The following NUP205 variants were observed in gnomAD, a reference collection of about 807,000 sequenced individuals.
NUP205 encodes the protein nucleoporin 205, also known as nuclear pore complex protein Nup205.
Under a neutral mutation model 253.8 loss-of-function variants are expected in NUP205, and 76 were observed. The ratio of observed to expected loss-of-function variants is 0.30; its 90% confidence interval spans 0.25 to 0.36. The LOEUF (loss-of-function observed/expected upper bound fraction) is 0.36, where lower values mean the gene tolerates loss of function less well. Ranked by LOEUF, NUP205 falls within the 10% of genes least tolerant of loss-of-function variation. The pLI is 1.00. For missense variants in NUP205, 2,162 were observed against 2,425.5 expected (o/e 0.89, Z 2.28); for synonymous variants, 832 against 850.1 (o/e 0.98, Z 0.37).
intron 23 of NUP205, among the ~76,000 whole-genome samples, chr7:135,615,385 C>A (rs999808371): frequency 2.6e-5 from 4 of 152,046 alleles, no homozygotes; most frequent in African/African-American, 4.8e-5. Context: ...TAGAGTGAGA[C>A]CCTGTCTCTA....
rs1358147056 is a variant in NUP205 at position 135,645,038 on chromosome 7, G to A, written c.5683+20G>A. 3 of 1,612,368 alleles carry A rather than the reference G, an allele frequency of 1.9e-6. No individual in the cohort carries two copies. The highest frequency in any genetic ancestry group is 2.7e-5 in the African/African-American group (2 of 74,852). ...GTTCTTGTATCCTTTATGAAATCAT[G>A]CACTTGAATGATGACCTTGAAATAT... On this transcript the variant is annotated intron_variant, in intron 40 of 42. Coordinates refer to ENST00000285968, the MANE Select transcript of NUP205 (RefSeq NM_015135.3).
At chr7:135,604,155 T>C (rs750787476) in intron 18 of NUP205, among the ~76,000 whole-genome samples, 185 bp from the exon 19 acceptor site, 1 of 152,202 alleles carries the variant, frequency 6.6e-6, no homozygotes, top group Non-Finnish European at 1.5e-5. Flanking sequence ...CATAAGGATT[T>C]TGGGGGCAGG....
intron 11 of NUP205, 70 bp from the exon 12 acceptor site, chr7:135,592,917 T>C (rs1806666815): frequency 8.7e-7 from 1 of 1,145,698 alleles, no homozygotes; most frequent in South Asian, 1.3e-5. Flanking sequence ...TTTAAATTAA[T>C]TTTCTCTCCA....
intron 10 of NUP205, among the ~76,000 whole-genome samples, chr7:135,588,328 A>G (rs1806530031): frequency 6.6e-6 from 1 of 150,486 alleles, no homozygotes; most frequent in Non-Finnish European, 1.5e-5. Context: ...TTTTGTAGAG[A>G]TGGGGTTTTG....
At chr7:135,634,221 C>A (rs944401504) in intron 35 of NUP205, among the ~76,000 whole-genome samples, 3 of 152,116 alleles carry the variant, frequency 2.0e-5, no homozygotes, top group Non-Finnish European at 4.4e-5. Context: ...GCCACCATGC[C>A]CAGCTGGCTC....
rs1305726112 is a variant in NUP205 at position 135,607,251 on chromosome 7, G to A, written c.3075G>A (p.Val1025=). Residue 1025 remains valine, a synonymous_variant, in exon 22 of 43, where the codon GTG becomes GTA. Transcript: ENST00000285968. ...VSTTNLQDPG[V]LGCPRTCLHA... is the part of the protein sequence containing the mutation. ...TTTCTTTTTGGTTTCATGCAGGAGTGTTAGGTTGCCCTCGGACATGCCTTC... is the reference window on the plus strand; with the variant it reads ...TTTCTTTTTGGTTTCATGCAGGAGTATTAGGTTGCCCTCGGACATGCCTTC... The A allele has an allele frequency of 2.5e-6, 4 of 1,613,612 alleles. No individual in the cohort carries two copies. Among genetic ancestry groups the A allele is most frequent in the Non-Finnish European group, 2.5e-6 (3 of 1,179,850 alleles).
chr7:135,573,630 A>G (rs1389494627), intron 2 of NUP205, 24 bp from the exon 3 acceptor site: 9 of 1,597,624 alleles, frequency 5.6e-6, no homozygotes, highest in Non-Finnish European at 6.8e-6. Context: ...TATTTTCATA[A>G]CAATTACAAT....
At chr7:135,634,585 G>C (rs149612452) in intron 35 of NUP205, among the ~76,000 whole-genome samples, 1 of 152,244 alleles carries the variant, frequency 6.6e-6, no homozygotes, top group African/African-American at 2.4e-5. Context: ...GCTTGGTTTT[G>C]TTTTGGAGTA....
At chr7:135,631,728 ATTTT>A (rs35634535) in intron 35 of NUP205, among the ~76,000 whole-genome samples, 1 of 145,634 alleles carries the variant, frequency 6.9e-6, no homozygotes, top group Non-Finnish European at 1.5e-5. Context: ...ATCTCTTGGT[ATTTT>A]TTTTTTTCTT....
intron 15 of NUP205, among the ~76,000 whole-genome samples, chr7:135,599,873 GATAA>G (rs1409492283): frequency 6.6e-6 from 1 of 152,140 alleles, no homozygotes; most frequent in Non-Finnish European, 1.5e-5. Context: ...TTTGGATTGA[GATAA>G]ATAACAGCGT....
chr7:135,584,195 T>G (rs1806394754), intron 7 of NUP205, among the ~76,000 whole-genome samples: 1 of 152,112 alleles, frequency 6.6e-6, no homozygotes, highest in South Asian at 2.1e-4. Flanking sequence ...ATGAGATATG[T>G]ATGAGTGGAG....
intron 36 of NUP205, 33 bp from the exon 37 acceptor site, chr7:135,637,898 A>G (rs1359212394): frequency 1.3e-6 from 2 of 1,578,288 alleles, no homozygotes; most frequent in Non-Finnish European, 1.7e-6. Flanking sequence ...ACTAATTTTA[A>G]ATACATTTAA....
rs761457366 is a variant in NUP205, at chr7:135,635,606, T to G, written c.5085T>G (p.Asp1695Glu). 1 of 1,590,172 alleles carries G rather than the reference T, an allele frequency of 6.3e-7. No homozygotes were observed. The highest frequency in any genetic ancestry group is 2.2e-5 in the East Asian group (1 of 44,578). The change falls in exon 36 of 43, where the codon GAT (aspartate) becomes GAG (glutamate). Residue 1695 changes from aspartate (D) to glutamate (E), a missense_variant. Transcript: ENST00000285968. ...LPGILSELDVDVNEGSLMELQ... is the reference protein window; with the variant it reads ...LPGILSELDVEVNEGSLMELQ... Reference sequence around the variant, plus strand: ...GAATATTAAGTGAACTTGACGTTGATGTAAATGAAGGGTCTCTAATGGAGC... The same window carrying G: ...GAATATTAAGTGAACTTGACGTTGAGGTAAATGAAGGGTCTCTAATGGAGC...
intron 28 of NUP205, among the ~76,000 whole-genome samples, chr7:135,618,823 A>G (rs1458681259): frequency 6.6e-6 from 1 of 152,184 alleles, no homozygotes; most frequent in Non-Finnish European, 1.5e-5. Flanking sequence ...GTAAAAATTC[A>G]CATGGACAGA....
At position 135,607,352 on chromosome 7, in the gene NUP205, T is replaced by A; in HGVS notation, c.3176T>A (p.Leu1059Gln). 2 of 1,613,932 alleles carry A rather than the reference T, an allele frequency of 1.2e-6. No homozygotes were observed. Among genetic ancestry groups the A allele is most frequent in the Non-Finnish European group, 1.7e-6 (2 of 1,179,898 alleles). The change falls in exon 22 of 43, where the codon CTG becomes CAG. Residue 1059 changes from leucine (L) to glutamine (Q), a missense_variant. Leu to Gln is a moderately radical substitution (Grantham distance 113, BLOSUM62 -2). This residue lies in a region of NUP205 where 1,144 missense variants were observed against 1,280.9 expected (regional missense o/e 0.89). Transcript: ENST00000285968. ...GPVAVRESPQ[L>Q]AELCYQVIYQ... ...GTGGCGGTGCGAGAATCTCCTCAGCTGGCTGAGCTATGTTACCAGGTACAC... is the reference window on the plus strand; with the variant it reads ...GTGGCGGTGCGAGAATCTCCTCAGCAGGCTGAGCTATGTTACCAGGTACAC...
chr7:135,592,760 G>A (rs532762138), intron 11 of NUP205, among the ~76,000 whole-genome samples: 2 of 152,246 alleles, frequency 1.3e-5, no homozygotes, highest in South Asian at 4.1e-4. Context: ...TGTGGTGCAC[G>A]CCTGTAATCT....
chr7:135,574,781 G>A (rs1806105296), intron 3 of NUP205, among the ~76,000 whole-genome samples: 1 of 152,114 alleles, frequency 6.6e-6, no homozygotes, highest in Non-Finnish European at 1.5e-5. Flanking sequence ...GCTGTGTAGA[G>A]AAAAGAGAGA....
chr7:135,612,281 C>T (rs1353322128), intron 22 of NUP205, among the ~76,000 whole-genome samples: 2 of 152,070 alleles, frequency 1.3e-5, no homozygotes, highest in Non-Finnish European at 2.9e-5. Flanking sequence ...CTGCAAGTGT[C>T]TGGTTCCAAC....
intron 34 of NUP205, among the ~76,000 whole-genome samples, chr7:135,629,035 T>C (rs1050053215): frequency 2.0e-5 from 3 of 152,216 alleles, no homozygotes; most frequent in Admixed American, 1.3e-4. Context: ...AACACCAATC[T>C]TGTATTGACT....
Sources: gnomAD v4.1 joint callset for allele counts (sites outside exome capture counted in the v4.1 genomes callset) on GRCh38, gnomAD v4.1.1 for gene constraint, gnomAD v4.1.1 regional missense constraint, MANE v1.5 for transcripts, NCBI Gene and HGNC (gene_info 2026-07-23, HGNC 2026-07-21) for gene names.